Variants in ODAD4 observed in about 807,000 individuals in gnomAD.
ODAD4 encodes the protein outer dynein arm-docking complex subunit 4.
Under a neutral mutation model 51.8 loss-of-function variants are expected in ODAD4, and 49 were observed. That is an observed-to-expected ratio of 0.95 (90% confidence interval 0.75 to 1.20). The LOEUF (loss-of-function observed/expected upper bound fraction) is 1.20, where lower values mean the gene tolerates loss of function less well. Ranked by LOEUF, ODAD4 falls within the 50% of genes most tolerant of loss-of-function variation. The pLI is 0.00. For synonymous variants in ODAD4, 235 were observed against 221.3 expected (o/e 1.06, Z -0.55); for missense variants, 590 against 586.5 (o/e 1.01, Z -0.06).
At chr17:41,935,554 T>TA in intron 2 of ODAD4, 45 bp from the exon 3 acceptor site, 1 of 1,585,360 alleles carries the variant, frequency 6.3e-7, no homozygotes, top group Middle Eastern at 1.7e-4. Context: ...GTGAGTCCTA[T>TA]AAGGCCTTAT....
intron 1 of ODAD4, 83 bp from the exon 2 acceptor site, chr17:41,935,134 A>G (rs1448188688): frequency 6.5e-7 from 1 of 1,529,732 alleles, no homozygotes; most frequent in African/African-American, 1.4e-5. Context: ...TCCCCTCTGC[A>G]GGAGGGTTTG....
At position 41,965,084 on chromosome 17, in the gene ODAD4, C is replaced by A. The variant is rs782533651; in HGVS notation, c.1620C>A (p.Asp540Glu). 1.3e-6 allele frequency: 1 copy of A among 766,764 alleles called. No homozygotes were observed. The highest frequency in any genetic ancestry group is 1.4e-5 in the South Asian group (1 of 71,852). The allele number at this position is 766,764 out of a possible 1,614,324, so 47.5% of individuals were successfully genotyped here. A position where few individuals can be genotyped will look rare whatever the true frequency, so the allele number is the denominator to read the frequency against. The part of the protein sequence containing the change: ...DEPEKVVKQW[D>E]HSEDEKETDE... ...CCGAGAAGGTGGTGAAGCAGTGGGA[C>A]CATAGTGAGGATGAGAAAGAGACAG... Residue 540 changes from aspartate (D) to glutamate (E), a missense_variant, in exon 12 of 12, where the codon GAC becomes GAA. This residue lies in a region of ODAD4 where 226 missense variants were observed against 162.7 expected (regional missense o/e 1.39). Transcript: ENST00000377540.
intron 11 of ODAD4, among the ~76,000 whole-genome samples, chr17:41,961,865 C>G (rs1331698596): frequency 6.6e-6 from 1 of 152,186 alleles, no homozygotes. Flanking sequence ...AGGTGCTACA[C>G]CGAGGTGGAG....
At chr17:41,950,683 C>T (rs1021625155) in intron 9 of ODAD4, among the ~76,000 whole-genome samples, 27 of 150,418 alleles carry the variant, frequency 1.8e-4, no homozygotes, top group African/African-American at 6.6e-4. Flanking sequence ...GCCGAGGAAA[C>T]CTTTTATTTT....
At chr17:41,942,151 G>C (rs1796617726) in intron 7 of ODAD4, among the ~76,000 whole-genome samples, 1 of 152,180 alleles carries the variant, frequency 6.6e-6, no homozygotes, top group African/African-American at 2.4e-5. Context: ...AGCCAGGCTA[G>C]TCTCTAACTC....
At position 41,965,379 on chromosome 17, in the gene ODAD4, T is replaced by C. The variant is rs1555642510; in HGVS notation, c.1915T>C (p.Ser639Pro). 1.3e-6 allele frequency: 1 copy of C among 780,414 alleles called. No individual in the cohort carries two copies. The highest frequency in any genetic ancestry group is 2.4e-6 in the Non-Finnish European group (1 of 417,906). 48.3% of individuals were successfully genotyped at this position (780,414 alleles called of 1,614,324 possible). Residue 639 changes from serine to proline, a missense_variant, in exon 12 of 12, where the codon TCA (serine) becomes CCA (proline). Around this residue, in one of 3 missense-constraint regions of ODAD4, gnomAD observed 226 missense variants for 162.7 expected, o/e 1.39. Coordinates refer to ENST00000377540, the MANE Select transcript of ODAD4 (RefSeq NM_031421.5). Reference protein sequence around the residue: ...RQEPEELKKLSEVGRREPEEL... With the variant: ...RQEPEELKKLPEVGRREPEEL... ...GGAACCAGAAGAACTAAAGAAACTT[T>C]CAGAAGTGGGCAGAAGAGAGCCAGA...
intron 8 of ODAD4, 29 bp downstream of exon 8, chr17:41,945,251 A>G (rs782006593): frequency 1.3e-6 from 2 of 1,552,906 alleles, no homozygotes; most frequent in Non-Finnish European, 1.8e-6. Context: ...CCTCTTCCCC[A>G]CCTCCATGGT....
chr17:41,958,122 T>G (rs1319666845), intron 10 of ODAD4, among the ~76,000 whole-genome samples: 1 of 152,132 alleles, frequency 6.6e-6, no homozygotes, highest in Admixed American at 6.6e-5. Context: ...TATCTCTGCC[T>G]GGAATATTCT....
At chr17:41,942,889 G>T (rs1555638873) in intron 7 of ODAD4, among the ~76,000 whole-genome samples, 1 of 151,952 alleles carries the variant, frequency 6.6e-6, no homozygotes, top group African/African-American at 2.4e-5. Context: ...TAGCAACAGG[G>T]TATTGCTCTG....
intron 8 of ODAD4, among the ~76,000 whole-genome samples, chr17:41,947,200 G>A (rs1287410798): frequency 1.3e-5 from 2 of 151,142 alleles, no homozygotes; most frequent in East Asian, 2.0e-4. Context: ...CAGGCCGGGC[G>A]CGGTGGCTCA....
At chr17:41,946,319 T>C (rs1203399176) in intron 8 of ODAD4, among the ~76,000 whole-genome samples, 1 of 151,666 alleles carries the variant, frequency 6.6e-6, no homozygotes, top group East Asian at 1.9e-4. Context: ...AATTTATCAC[T>C]TTTTTTTGTT....
At position 41,936,892 on chromosome 17, in the gene ODAD4, A is replaced by G. The variant is rs782290032; in HGVS notation, c.590A>G (p.Asp197Gly). 3 of 1,613,968 alleles carry G rather than the reference A, an allele frequency of 1.9e-6. No homozygotes were observed. The highest frequency in any genetic ancestry group is 1.3e-5 in the African/African-American group (1 of 75,040). The change falls in exon 5 of 12, where the codon GAC becomes GGC. Residue 197 changes from aspartate to glycine, a missense_variant. Around this residue, in one of 3 missense-constraint regions of ODAD4, gnomAD observed 360 missense variants for 407.5 expected, o/e 0.88. Transcript: ENST00000377540. Reference protein sequence around the residue: ...VRQLLGELYVDKEYLEKLLLD... With the variant: ...VRQLLGELYVGKEYLEKLLLD... Reference sequence around the variant, plus strand: ...CAGCTTCTGGGGGAGCTCTACGTGGACAAAGAGTATTTGGAGAAGCTCCTA... The same window carrying G: ...CAGCTTCTGGGGGAGCTCTACGTGGGCAAAGAGTATTTGGAGAAGCTCCTA...
At chr17:41,959,471 G>C (rs1219618485) in intron 10 of ODAD4, among the ~76,000 whole-genome samples, 4 of 152,220 alleles carry the variant, frequency 2.6e-5, no homozygotes, top group Non-Finnish European at 2.9e-5. Context: ...GACCAGCCTG[G>C]GGTCTGCAGG....
intron 1 of ODAD4, among the ~76,000 whole-genome samples, chr17:41,933,985 TTTC>T (rs2050387295): frequency 1.3e-5 from 2 of 151,648 alleles, no homozygotes; most frequent in Non-Finnish European, 1.5e-5. Flanking sequence ...CTTTTTTTTT[TTTC>T]TTTCTTGTTT....
intron 8 of ODAD4, among the ~76,000 whole-genome samples, chr17:41,948,560 C>T (rs1308759273): frequency 4.6e-5 from 7 of 151,978 alleles, no homozygotes; most frequent in Admixed American, 2.0e-4. Flanking sequence ...AATCCACCCA[C>T]GTTGGCTTCC....
rs1555638204 is a variant in ODAD4, at chr17:41,938,639, C to G, written c.708C>G (p.Ser236Arg). 1.2e-6 allele frequency: 2 copies of G among 1,613,958 alleles called. No individual in the cohort carries two copies. Among genetic ancestry groups the G allele is most frequent in the South Asian group, 1.1e-5 (1 of 91,084 alleles). ...GCATCAACTACCTGGATACTCACAG[C>G]AACTTCTGGAGGCAGCAGAAGCCGA... ...MTGINYLDTH[S>R]NFWRQQKPIY... The change falls in exon 6 of 12, where the codon AGC becomes AGG. Residue 236 changes from serine to arginine, a missense_variant. By Grantham distance (110) the Ser-to-Arg change is moderately radical. This residue lies in a region of ODAD4 where 360 missense variants were observed against 407.5 expected (regional missense o/e 0.88). Coordinates refer to ENST00000377540, the MANE Select transcript of ODAD4 (RefSeq NM_031421.5).
Position 41,939,171 on chromosome 17 carries a change from T to C in ODAD4, c.1057T>C (p.Tyr353His). The C allele has an allele frequency of 1.1e-5, 17 of 1,612,872 alleles. No individual in the cohort carries two copies. The highest frequency in any genetic ancestry group is 1.4e-5 in the Non-Finnish European group (17 of 1,179,500). The change falls in exon 7 of 12, where the codon TAT becomes CAT. Residue 353 changes from tyrosine to histidine, a missense_variant and splice_region_variant. Around this residue, in one of 3 missense-constraint regions of ODAD4, gnomAD observed 226 missense variants for 162.7 expected, o/e 1.39. Transcript: ENST00000377540. Reference sequence around the variant, plus strand: ...AAAGGACCTGGAGATCGCCAAGGAATAGTGAGTGCCCTAGGGGAGGCCACT... The same window carrying C: ...AAAGGACCTGGAGATCGCCAAGGAACAGTGAGTGCCCTAGGGGAGGCCACT... ...HRKDLEIAKE[Y>H]DLPDAKSRAL... is the part of the protein sequence containing the mutation.
At chr17:41,957,802 T>C (rs1357099426) in intron 10 of ODAD4, among the ~76,000 whole-genome samples, 6 of 152,176 alleles carry the variant, frequency 3.9e-5, no homozygotes, top group African/African-American at 1.4e-4. Flanking sequence ...TTTTCTTTTT[T>C]TGAGACAAGG....
Position 41,936,543 on chromosome 17 carries a change from C to T in ODAD4, c.459+9C>T, listed in dbSNP as rs531687593. On this transcript the variant is annotated intron_variant, in intron 4 of 11. Coordinates refer to ENST00000377540, the MANE Select transcript of ODAD4 (RefSeq NM_031421.5). The stretch of plus-strand genomic sequence containing the variant: ...TAAGCAAGCAGGCTGAGGTAAGGGC[C>T]CTGGTTCTGTGGTTGTATCCCTCCA... 6.2e-7 allele frequency: 1 copy of T among 1,611,188 alleles called. No homozygotes were observed. The highest frequency in any genetic ancestry group is 2.2e-5 in the East Asian group (1 of 44,866).
Sources: allele counts gnomAD v4.1 joint callset (sites outside exome capture counted in the v4.1 genomes callset), GRCh38; gene constraint gnomAD v4.1.1; regional missense constraint gnomAD v4.1.1; transcripts MANE v1.5; gene names NCBI Gene and HGNC (gene_info 2026-07-23, HGNC 2026-07-21).